The following RASSF3 variants were observed in gnomAD, a reference collection of about 807,000 sequenced individuals.
The protein encoded by RASSF3 is Ras association domain family member 3, also known as ras association domain-containing protein 3.
Under a neutral mutation model 19.9 loss-of-function variants are expected in RASSF3, and 19 were observed. That is an observed-to-expected ratio of 0.96 (90% CI 0.67 to 1.40). The LOEUF is 1.40. RASSF3 is among the 40% of genes most tolerant of loss of function. The pLI is 0.00. For synonymous variants in RASSF3, 110 were observed against 104.2 expected (o/e 1.06, Z -0.34); for missense variants, 306 against 289.8 (o/e 1.06, Z -0.41).
intron 1 of RASSF3, among the ~76,000 whole-genome samples, chr12:64,511,868 GA>G (rs1240434589): frequency 2.6e-5 from 4 of 152,278 alleles, no homozygotes; most frequent in Non-Finnish European, 5.9e-5. Flanking sequence ...GCTGTTTTCA[GA>G]CAGTCTCTTT....
At chr12:64,585,640 T>G (rs998005077) in intron 2 of RASSF3, among the ~76,000 whole-genome samples, 2 of 148,256 alleles carry the variant, frequency 1.3e-5, no homozygotes, top group African/African-American at 5.0e-5. Context: ...GGTCTTGTTC[T>G]GTCACCCAGG....
chr12:64,615,286 A>G (rs940786609), intron 1 of RASSF3, among the ~76,000 whole-genome samples: 1 of 152,128 alleles, frequency 6.6e-6, no homozygotes, highest in African/African-American at 2.4e-5. Flanking sequence ...TAGCTAAGCT[A>G]CCTCTCCTCC....
intron 1 of RASSF3, among the ~76,000 whole-genome samples, chr12:64,522,058 T>C (rs1219355887): frequency 1.3e-5 from 2 of 152,242 alleles, no homozygotes; most frequent in African/African-American, 4.8e-5. Flanking sequence ...TGAAGTTCTT[T>C]AGGCACGGTA....
At chr12:64,596,909 A>G (rs1451862521) in intron 2 of RASSF3, among the ~76,000 whole-genome samples, 2 of 151,568 alleles carry the variant, frequency 1.3e-5, no homozygotes. Flanking sequence ...TTGTATTTTT[A>G]GTAGAGATCG....
At chr12:64,655,858 C>G (rs932153418) in intron 1 of RASSF3, among the ~76,000 whole-genome samples, 2 of 151,702 alleles carry the variant, frequency 1.3e-5, no homozygotes, top group Non-Finnish European at 2.9e-5. Context: ...GAAACCCTGT[C>G]TCTACTAAAA....
intron 2 of RASSF3, among the ~76,000 whole-genome samples, chr12:64,550,214 G>A (rs913729149): frequency 1.3e-5 from 2 of 151,968 alleles, no homozygotes; most frequent in South Asian, 2.1e-4. Flanking sequence ...AGAAGAATGC[G>A]TTTTATTTTG....
chr12:64,583,654 A>C (rs1252725561), intron 2 of RASSF3, among the ~76,000 whole-genome samples: 1 of 152,104 alleles, frequency 6.6e-6, no homozygotes, highest in Non-Finnish European at 1.5e-5. Context: ...CCAGCGTTTC[A>C]GTCATCCACA....
At chr12:64,650,114 TGCAGGG>T (rs1275275864) in intron 1 of RASSF3, among the ~76,000 whole-genome samples, 2 of 152,244 alleles carry the variant, frequency 1.3e-5, no homozygotes, top group African/African-American at 4.8e-5. Flanking sequence ...CGCATGTATT[TGCAGGG>T]GCAGGGACAG....
At chr12:64,553,138 T>C (rs777045110) in intron 2 of RASSF3, among the ~76,000 whole-genome samples, 18 of 152,232 alleles carry the variant, frequency 1.2e-4, no homozygotes, top group Non-Finnish European at 2.5e-4. Flanking sequence ...TGCAGCACTT[T>C]CCACACAATC....
intron 1 of RASSF3, among the ~76,000 whole-genome samples, chr12:64,615,335 A>C (rs1381355607): frequency 6.6e-6 from 1 of 152,206 alleles, no homozygotes. Context: ...GAAATGAGAC[A>C]GTATTTTTGC....
intron 4 of RASSF3, among the ~76,000 whole-genome samples, chr12:64,693,353 GTAGATGATGC>G (rs986714549): frequency 2.3e-4 from 35 of 151,874 alleles, no homozygotes; most frequent in African/African-American, 7.5e-4. Context: ...AAAAAACCTC[GTAGATGATGC>G]TAGATACCCT....
rs190312925 is a variant in RASSF3 at position 64,665,681 on chromosome 12, G to A, written c.112-19106G>A. Among the ~76,000 whole-genome samples, 9 of 152,218 alleles carry A rather than the reference G, an allele frequency of 5.9e-5. No individual in the cohort carries two copies. In the East Asian group the frequency reaches 1.7e-3, roughly 29 times the overall value. On this transcript the variant is annotated intron_variant, in intron 1 of 4. Transcript: ENST00000542104. Reference sequence around the variant, plus strand: ...TTTTCTAGAGGTTTCTGATTAACCTGCCCTCTTAATTTGCATGTAATTAAA... The same window carrying A: ...TTTTCTAGAGGTTTCTGATTAACCTACCCTCTTAATTTGCATGTAATTAAA...
At chr12:64,671,383 C>G (rs1477182735) in intron 1 of RASSF3, among the ~76,000 whole-genome samples, 1 of 152,244 alleles carries the variant, frequency 6.6e-6, no homozygotes, top group South Asian at 2.1e-4. Context: ...GCCTCCCTGG[C>G]CTCGCCTCTT....
At chr12:64,680,399 C>T (rs1224088727) in intron 1 of RASSF3, among the ~76,000 whole-genome samples, 4 of 151,856 alleles carry the variant, frequency 2.6e-5, no homozygotes, top group East Asian at 1.9e-4. Context: ...GTGCAGACAC[C>T]ACGCCCCGTG....
chr12:64,676,510 C>T (rs1179747066), intron 1 of RASSF3, among the ~76,000 whole-genome samples: 5 of 138,212 alleles, frequency 3.6e-5, no homozygotes, highest in Admixed American at 7.6e-5. Context: ...CTTGCTCTGT[C>T]GCCCAGGCTT....
intron 2 of RASSF3, among the ~76,000 whole-genome samples, chr12:64,603,767 A>T (rs1315812533): frequency 6.6e-6 from 1 of 152,216 alleles, no homozygotes; most frequent in Non-Finnish European, 1.5e-5. Flanking sequence ...TGTAGAACTG[A>T]GGTTTAACCA....
intron 2 of RASSF3, among the ~76,000 whole-genome samples, chr12:64,604,011 C>T (rs1870140497): frequency 6.6e-6 from 1 of 152,100 alleles, no homozygotes; most frequent in Non-Finnish European, 1.5e-5. Flanking sequence ...CCACGCCCAG[C>T]TCATTTTTGT....
At chr12:64,616,145 AT>A (rs1870544374) in intron 1 of RASSF3, among the ~76,000 whole-genome samples, 1 of 152,208 alleles carries the variant, frequency 6.6e-6, no homozygotes, top group South Asian at 2.1e-4. Context: ...TGTGAGCAAG[AT>A]TCACAAAGGC....
chr12:64,517,667 G>A (rs962809295), intron 1 of RASSF3, among the ~76,000 whole-genome samples: 2 of 151,460 alleles, frequency 1.3e-5, no homozygotes, highest in Non-Finnish European at 2.9e-5. Context: ...CACCCGGGCT[G>A]GGGTACAGTA....
Sources: gnomAD v4.1 joint callset for allele counts (sites outside exome capture counted in the v4.1 genomes callset) on GRCh38, gnomAD v4.1.1 for gene constraint, MANE v1.5 for transcripts, NCBI Gene and HGNC (gene_info 2026-07-23, HGNC 2026-07-21) for gene names.